Variants in AATK observed in about 807,000 individuals in gnomAD.
AATK encodes the protein lemur tail kinase 1, also known as serine/threonine-protein kinase LMTK1.
AATK carries 91 observed loss-of-function variants against 114.3 expected under a neutral mutation model. The observed-to-expected ratio is 0.80, with a 90% CI of 0.67 to 0.95. The LOEUF is 0.95. Among genes scored for constraint, AATK ranks in the 40% least tolerant of loss-of-function variants. The pLI, the probability that AATK is intolerant of heterozygous loss-of-function variation, is 0.00. For missense variants in AATK, 2,176 were observed against 1,965.2 expected (o/e 1.11, Z -2.03); for synonymous variants, 1,075 against 916.5 (o/e 1.17, Z -3.12).
chr17:81,119,151 T>C (rs142219578), intron 13 of AATK, among the ~76,000 whole-genome samples: 350 of 16,568 alleles, frequency 0.021, no homozygotes, highest in East Asian at 0.048. Context: ...CAGGTGAGGG[T>C]CAGGTGAGGG....
At chr17:81,130,599 G>A (rs976850832) in intron 3 of AATK, among the ~76,000 whole-genome samples, 3 of 152,148 alleles carry the variant, frequency 2.0e-5, no homozygotes, top group Admixed American at 1.3e-4. Context: ...AATGGAACCC[G>A]TGTCCCTGAA....
At chr17:81,138,604 G>T (rs1046532554) in intron 1 of AATK, among the ~76,000 whole-genome samples, 1 of 133,662 alleles carries the variant, frequency 7.5e-6, no homozygotes, top group Non-Finnish European at 1.6e-5. Flanking sequence ...ACACCCACAC[G>T]CACAACACAC....
chr17:81,124,640 C>G, intron 9 of AATK, 87 bp downstream of exon 9: 1 of 1,566,742 alleles, frequency 6.4e-7, no homozygotes, highest in Non-Finnish European at 8.7e-7. Flanking sequence ...AGCCCCCTGA[C>G]CTCACTACTC....
intron 1 of AATK, among the ~76,000 whole-genome samples, chr17:81,161,366 A>AG (rs1025954764): frequency 3.9e-4 from 59 of 152,236 alleles, no homozygotes; most frequent in African/African-American, 1.4e-3. Context: ...TCTTTCTATC[A>AG]GGCCCCAGTC....
intron 1 of AATK, among the ~76,000 whole-genome samples, chr17:81,146,651 G>T (rs543174405): frequency 6.6e-6 from 1 of 152,242 alleles, no homozygotes; most frequent in Non-Finnish European, 1.5e-5. Context: ...AAGAGGTAGA[G>T]GTTGTAGTGA....
At chr17:81,156,164 T>C (rs77314075) in intron 1 of AATK, among the ~76,000 whole-genome samples, 3 of 8,856 alleles carry the variant, frequency 3.4e-4, no homozygotes, top group African/African-American at 3.6e-4. Context: ...GTTATCATGT[T>C]ACAATGTATG....
At position 81,122,183 on chromosome 17, in the gene AATK, C is replaced by T; in HGVS notation, c.1753G>A (p.Asp585Asn). ...TGGTCGCCGCGGCCCCAGGGGACGT[C>T]GACGGGTGGCCCGTGGCCCAGCAGC... Reference protein sequence around the residue: ...EPLLGHGPPVDVPWGRGDHYP... With the variant: ...EPLLGHGPPVNVPWGRGDHYP... The change falls in exon 11 of 14, where the codon GAC becomes AAC. Residue 585 changes from aspartate (D) to asparagine (N), a missense_variant. Coordinates refer to ENST00000326724, the MANE Select transcript of AATK (RefSeq NM_001080395.3). The T allele has an allele frequency of 2.0e-6, 3 of 1,508,656 alleles. No individual in the cohort carries two copies. Among genetic ancestry groups the T allele is most frequent in the South Asian group, 1.2e-5 (1 of 81,746 alleles). The allele number at this position is 1,508,656 out of a possible 1,614,324, so 93.5% of individuals were successfully genotyped here.
At chr17:81,123,927 T>C (rs2060742865) in intron 9 of AATK, among the ~76,000 whole-genome samples, 1 of 152,036 alleles carries the variant, frequency 6.6e-6, no homozygotes, top group African/African-American at 2.4e-5. Context: ...ACAGAGGTGA[T>C]TTGGCAAGAC....
intron 1 of AATK, among the ~76,000 whole-genome samples, chr17:81,142,501 G>A (rs1406057392): frequency 6.6e-6 from 1 of 152,022 alleles, no homozygotes; most frequent in Admixed American, 6.6e-5. Context: ...CAAACTCCTG[G>A]GTTCAATCAA....
Position 81,122,136 on chromosome 17 carries a change from C to A in AATK, c.1800G>T (p.Ala600=). 1 of 1,531,408 alleles carries A rather than the reference C, an allele frequency of 6.5e-7. No individual in the cohort carries two copies. 94.9% of individuals were successfully genotyped at this position (1,531,408 alleles called of 1,614,324 possible). A position where few individuals can be genotyped will look rare whatever the true frequency, so the allele number is the denominator to read the frequency against. Residue 600 remains alanine, a synonymous_variant, in exon 11 of 14, where the codon GCG becomes GCT. Transcript: ENST00000326724. ...AGCGTGAGGGGCAGAGCGGGTCCCG[C>A]GCCAAGCTTCTGCGAGGGTAGTGGT... The part of the protein sequence containing the change: ...RGDHYPRRSL[A]RDPLCPSRSP...
In AATK at chr17:81,122,943, A is replaced by G. The variant is rs913377108; in HGVS notation, c.1113-120T>C. 40 of 1,021,820 alleles carry G rather than the reference A, an allele frequency of 3.9e-5. No homozygotes were observed. The African/African-American group carries it at 6.2e-4, about 16-fold the overall frequency. The allele number at this position is 1,021,820 out of a possible 1,614,324, so 63.3% of individuals were successfully genotyped here. A position where few individuals can be genotyped will look rare whatever the true frequency, so the allele number is the denominator to read the frequency against. ...CTTGGGGGCATTAAGGGTATCTCCC[A>G]CTTAATTGACACCCCAAATCTGCCA... On this transcript the variant is annotated intron_variant, in intron 10 of 13. Transcript: ENST00000326724.
chr17:81,149,006 G>T (rs1421296980), intron 1 of AATK, among the ~76,000 whole-genome samples: 1 of 152,204 alleles, frequency 6.6e-6, no homozygotes, highest in East Asian at 1.9e-4. Context: ...CCAGGCCAGT[G>T]ATGGGGCAGC....
At chr17:81,146,711 G>A (rs1598961335) in intron 1 of AATK, among the ~76,000 whole-genome samples, 3 of 152,078 alleles carry the variant, frequency 2.0e-5, no homozygotes, top group African/African-American at 4.8e-5. Flanking sequence ...AGAGCAAGAC[G>A]CTGTCTCAAA....
At chr17:81,144,296 A>G (rs4969257) in intron 1 of AATK, among the ~76,000 whole-genome samples, 102,600 of 152,210 alleles carry the variant, frequency 0.67, 36,277 homozygotes, top group East Asian at 0.8. Flanking sequence ...AGCTGCAGAT[A>G]GGAGCCTGGG....
intron 1 of AATK, among the ~76,000 whole-genome samples, chr17:81,134,887 G>A (rs957548028): frequency 6.6e-6 from 1 of 152,212 alleles, no homozygotes; most frequent in Non-Finnish European, 1.5e-5. Flanking sequence ...AGGGAACATG[G>A]ACTCTGTCAA....
intron 6 of AATK, among the ~76,000 whole-genome samples, 179 bp downstream of exon 6, chr17:81,127,404 C>T (rs1477318339): frequency 2.0e-5 from 3 of 152,058 alleles, no homozygotes; most frequent in African/African-American, 4.8e-5. Flanking sequence ...ACAGTCCCTC[C>T]CTGGTGAGGC....
intron 1 of AATK, 113 bp downstream of exon 1, chr17:81,165,824 TC>T: frequency 1.3e-6 from 2 of 1,507,066 alleles, no homozygotes. Context: ...GCTGCTGGGC[TC>T]GGGGCGGGGA....
chr17:81,156,045 T>G (rs371729953), intron 1 of AATK, among the ~76,000 whole-genome samples: 2 of 152,294 alleles, frequency 1.3e-5, no homozygotes, highest in South Asian at 4.1e-4. Context: ...TCCGCAACAA[T>G]GTATGTTACC....
intron 1 of AATK, among the ~76,000 whole-genome samples, chr17:81,149,548 C>G (rs1272564713): frequency 6.6e-6 from 1 of 152,146 alleles, no homozygotes. Flanking sequence ...CTGCTCACGC[C>G]TCCCCGGGGA....
Sources: allele counts gnomAD v4.1 joint callset (sites outside exome capture counted in the v4.1 genomes callset), GRCh38; gene constraint gnomAD v4.1.1; transcripts MANE v1.5; gene names NCBI Gene and HGNC (gene_info 2026-07-23, HGNC 2026-07-21).